The following SLC35A5 variants were observed in gnomAD, a reference collection of about 807,000 sequenced individuals.
SLC35A5 encodes the protein UDP-sugar transporter protein SLC35A5.
SLC35A5 carries 28 observed loss-of-function variants against 36.3 expected under a neutral mutation model. That is an observed-to-expected ratio of 0.77 (90% confidence interval 0.57 to 1.06). The LOEUF (loss-of-function observed/expected upper bound fraction) is 1.06. Among genes scored for constraint, SLC35A5 ranks in the 50% least tolerant of loss-of-function variants. The probability of loss-of-function intolerance (pLI) is 0.00; values close to 1 mark genes in which losing one functional copy is unlikely to be tolerated. For missense variants in SLC35A5, 521 were observed against 499.3 expected, an observed-to-expected ratio of 1.04 and a Z score of -0.41; for synonymous variants, 180 against 173.7, an observed-to-expected ratio of 1.04 and a Z score of -0.29.
rs1935112952 is a variant in SLC35A5, at chr3:112,585,481, C to G, written c.*2745C>G. 6.6e-6 allele frequency: 1 copy of G among 152,036 alleles called. No individual in the cohort carries two copies. Among genetic ancestry groups the G allele is most frequent in the Admixed American group, 6.6e-5 (1 of 15,258 alleles). 9.4% of individuals were successfully genotyped at this position (152,036 alleles called of 1,614,324 possible). Reference sequence around the variant, plus strand: ...GTTTGAGTGATGGGTCCACTAGAAGCCCAAACTTCACCATTATGCAATGTA... The same window carrying G: ...GTTTGAGTGATGGGTCCACTAGAAGGCCAAACTTCACCATTATGCAATGTA... On this transcript the variant is annotated 3_prime_UTR_variant, in exon 7 of 7. Transcript: ENST00000492406.
In SLC35A5 at chr3:112,567,512, T is replaced by C. The variant is rs187528115; in HGVS notation, c.131-1659T>C. Among the ~76,000 whole-genome samples the C allele has an allele frequency of 4.3e-4, 66 of 152,252 alleles. No homozygotes were observed. The East Asian group carries it at 0.01, about 24-fold the overall frequency. ...TTTCACCATGTTGACCAGACGTGGT[T>C]TTACCATGTTGGCCACTCCTGACCT... On this transcript the variant is annotated intron_variant, in intron 2 of 6. Coordinates refer to ENST00000492406, the MANE Select transcript of SLC35A5 (RefSeq NM_017945.5).
At chr3:112,567,753 C>CA (rs1253663874) in intron 2 of SLC35A5, among the ~76,000 whole-genome samples, 1 of 152,190 alleles carries the variant, frequency 6.6e-6, no homozygotes, top group East Asian at 1.9e-4. Context: ...ACCATGTTGT[C>CA]ATATGGTCTG....
At position 112,584,293 on chromosome 3, in the gene SLC35A5, G is replaced by T. The variant is rs1268851582; in HGVS notation, c.*1557G>T. On this transcript the variant is annotated 3_prime_UTR_variant, in exon 7 of 7. Transcript: ENST00000492406. ...ATCTTTACTTCTAACAATAACAAAGGCATTTTCATCAGTTATGTGAAATAC... is the reference window on the plus strand; with the variant it reads ...ATCTTTACTTCTAACAATAACAAAGTCATTTTCATCAGTTATGTGAAATAC... 6.6e-6 allele frequency: 1 copy of T among 151,992 alleles called. No individual in the cohort carries two copies. Among genetic ancestry groups the T allele is most frequent in the Non-Finnish European group, 1.5e-5 (1 of 68,000 alleles). 9.4% of individuals were successfully genotyped at this position (151,992 alleles called of 1,614,324 possible).
intron 4 of SLC35A5, among the ~76,000 whole-genome samples, chr3:112,571,171 T>C (rs1052682145): frequency 6.6e-6 from 1 of 152,200 alleles, no homozygotes; most frequent in Non-Finnish European, 1.5e-5. Flanking sequence ...AGGGTAGGGA[T>C]CATGTCCTCC....
chr3:112,573,792 C>T (rs928540707), intron 4 of SLC35A5, 97 bp from the exon 5 acceptor site: 4 of 974,902 alleles, frequency 4.1e-6, no homozygotes, highest in Non-Finnish European at 6.4e-6. Context: ...TGTTTTTTGA[C>T]CAAAAAGCTT....
intron 2 of SLC35A5, among the ~76,000 whole-genome samples, chr3:112,568,911 C>A (rs1245698755): frequency 6.6e-6 from 1 of 152,166 alleles, no homozygotes; most frequent in Non-Finnish European, 1.5e-5. Flanking sequence ...TCCTAGCCTC[C>A]TTAATGTATT....
chr3:112,577,101 A>AAT (rs35120844), intron 5 of SLC35A5, among the ~76,000 whole-genome samples: 7,654 of 150,946 alleles, frequency 0.051, 274 homozygotes, highest in Admixed American at 0.11. Flanking sequence ...AGAAAAAAAA[A>AAT]AATAATTTTT....
chr3:112,573,840 A>T (rs766496785), intron 4 of SLC35A5, 49 bp from the exon 5 acceptor site: 1 of 1,476,044 alleles, frequency 6.8e-7, no homozygotes, highest in South Asian at 1.1e-5. Context: ...GACATTTCTG[A>T]GGTCAGTACT....
At chr3:112,562,897 TAAA>T (rs1286688568) in intron 1 of SLC35A5, among the ~76,000 whole-genome samples, 1 of 151,746 alleles carries the variant, frequency 6.6e-6, no homozygotes, top group Non-Finnish European at 1.5e-5. Flanking sequence ...CCGTCTCTAC[TAAA>T]AATACAAAAA....
intron 4 of SLC35A5, among the ~76,000 whole-genome samples, chr3:112,573,483 A>G (rs996495612): frequency 6.6e-6 from 1 of 152,166 alleles, no homozygotes; most frequent in African/African-American, 2.4e-5. Flanking sequence ...AAAAATCTAT[A>G]CTTCAGTTTT....
At chr3:112,566,070 G>A (rs563450079) in intron 2 of SLC35A5, among the ~76,000 whole-genome samples, 2 of 152,326 alleles carry the variant, frequency 1.3e-5, no homozygotes, top group East Asian at 3.9e-4. Context: ...TAGTGTTTTG[G>A]AAGTAGTAAG....
Position 112,568,149 on chromosome 3 carries a change from G to A in SLC35A5, c.131-1022G>A, listed in dbSNP as rs1406382145. ...ACACACTTCCAATGAGACAAGTAGG[G>A]CCACAGAGGTTTAGAGGTAGTGCTA... On this transcript the variant is annotated intron_variant, in intron 2 of 6. Coordinates refer to ENST00000492406, the MANE Select transcript of SLC35A5 (RefSeq NM_017945.5). Among the ~76,000 whole-genome samples, 7 of 152,174 alleles carry A rather than the reference G, an allele frequency of 4.6e-5. No homozygotes were observed. In the East Asian group the frequency reaches 1.3e-3, roughly 29 times the overall value.
chr3:112,575,630 G>GAAT (rs1203300904), intron 5 of SLC35A5, among the ~76,000 whole-genome samples: 1 of 151,924 alleles, frequency 6.6e-6, no homozygotes, highest in African/African-American at 2.4e-5. Flanking sequence ...ATTTTCAGAG[G>GAAT]AATAATAATG....
At chr3:112,575,940 A>G (rs1365835328) in intron 5 of SLC35A5, among the ~76,000 whole-genome samples, 1 of 151,748 alleles carries the variant, frequency 6.6e-6, no homozygotes, top group Middle Eastern at 3.2e-3. Context: ...TTGTATTTTT[A>G]GTAGAGACAG....
At chr3:112,562,829 A>C (rs1933991425) in intron 1 of SLC35A5, among the ~76,000 whole-genome samples, 1 of 151,978 alleles carries the variant, frequency 6.6e-6, no homozygotes, top group Non-Finnish European at 1.5e-5. Flanking sequence ...TTTGGGAGGC[A>C]GAGGCGGGCG....
At chr3:112,564,638 G>C (rs969766359) in intron 2 of SLC35A5, among the ~76,000 whole-genome samples, 12 of 152,134 alleles carry the variant, frequency 7.9e-5, no homozygotes, top group Non-Finnish European at 1.3e-4. Flanking sequence ...ACAGGTGTCG[G>C]GCTGGGGGAC....
At position 112,580,921 on chromosome 3, in the gene SLC35A5, C is replaced by T. The variant is rs1456842896; in HGVS notation, c.804C>T (p.Asn268=). 1.2e-6 allele frequency: 2 copies of T among 1,614,150 alleles called. No homozygotes were observed. Among genetic ancestry groups the T allele is most frequent in the South Asian group, 2.2e-5 (2 of 91,090 alleles). The part of the protein sequence containing the change: ...NQLTESIFIQ[N]SKLYFFGILF... ...TCACTGAAAGCATCTTCATACAGAA[C>T]AGCAAACTCTATTTCTTTGGCATTC... The change falls in exon 6 of 7, where the codon AAC becomes AAT. Residue 268 remains asparagine, a synonymous_variant. Coordinates refer to ENST00000492406, the MANE Select transcript of SLC35A5 (RefSeq NM_017945.5).
In SLC35A5 at chr3:112,573,800, C is replaced by CT. The variant is rs112777928; in HGVS notation, c.361-82dup. 1,269 of 1,077,598 alleles carry CT rather than the reference C, an allele frequency of 1.2e-3. 12 individuals carry two copies. In the African/African-American group the frequency reaches 0.018, roughly 16 times the overall value. The allele number at this position is 1,077,598 out of a possible 1,614,324, so 66.8% of individuals were successfully genotyped here. On this transcript the variant is annotated intron_variant, in intron 4 of 6. Coordinates refer to ENST00000492406, the MANE Select transcript of SLC35A5 (RefSeq NM_017945.5). ...ACCCCTCTGTTTTTTGACCAAAAAG[C>CT]TTTTTTTGTCAGGTGAACTGCCAAG... is the stretch of plus-strand genomic sequence containing the variant.
chr3:112,569,055 C>A (rs1934318969), intron 2 of SLC35A5, 116 bp from the exon 3 acceptor site: 3 of 767,168 alleles, frequency 3.9e-6, no homozygotes, highest in Admixed American at 3.0e-5. Flanking sequence ...CTGGAAGAAA[C>A]TTAATATAAC....
Sources: gnomAD v4.1 joint callset for allele counts (sites outside exome capture counted in the v4.1 genomes callset) on GRCh38, gnomAD v4.1.1 for gene constraint, MANE v1.5 for transcripts, NCBI Gene and HGNC (gene_info 2026-07-23, HGNC 2026-07-21) for gene names.